CFAP61: variants seen among roughly 807,000 people sequenced by gnomAD.
CFAP61 encodes cilia and flagella associated protein 61, also known as cilia- and flagella-associated protein 61.
Under a neutral mutation model 135.6 loss-of-function variants are expected in CFAP61, and 107 were observed. That is an observed-to-expected ratio of 0.79 (90% CI 0.67 to 0.93). CFAP61 has a LOEUF of 0.93. CFAP61 is among the 40% of genes least tolerant of loss of function. The pLI, the probability that CFAP61 is intolerant of heterozygous loss-of-function variation, is 0.00. For missense variants in CFAP61, 1,507 were observed against 1,556.2 expected, an observed-to-expected ratio of 0.97 and a Z score of 0.53; for synonymous variants, 575 against 578.5, an observed-to-expected ratio of 0.99 and a Z score of 0.09.
chr20:20,336,144 C>T (rs2058181923), intron 25 of CFAP61, among the ~76,000 whole-genome samples: 1 of 152,114 alleles, frequency 6.6e-6, no homozygotes, highest in South Asian at 2.1e-4. Flanking sequence ...GAACAGGATG[C>T]CTCCCAGAGT....
At chr20:20,155,312 C>T (rs938942749) in intron 9 of CFAP61, among the ~76,000 whole-genome samples, 6 of 151,956 alleles carry the variant, frequency 3.9e-5, no homozygotes, top group African/African-American at 4.8e-5. Context: ...GAGGTAAAGC[C>T]GTAAAAATTC....
At chr20:20,204,457 C>T (rs1044023245) in intron 17 of CFAP61, among the ~76,000 whole-genome samples, 2 of 152,168 alleles carry the variant, frequency 1.3e-5, no homozygotes, top group Non-Finnish European at 2.9e-5. Flanking sequence ...CATTCAGTTA[C>T]CCTTTGAATT....
At chr20:20,122,684 G>A (rs1190648169) in intron 8 of CFAP61, among the ~76,000 whole-genome samples, 1 of 152,160 alleles carries the variant, frequency 6.6e-6, no homozygotes, top group Non-Finnish European at 1.5e-5. Flanking sequence ...ATTTGGGTTG[G>A]TTCCATGATT....
chr20:20,111,941 A>G (rs1209180234), intron 8 of CFAP61, among the ~76,000 whole-genome samples: 1 of 152,192 alleles, frequency 6.6e-6, no homozygotes. Context: ...AATATATGAT[A>G]TAATCTCAAA....
rs575450253 is a variant in CFAP61 at position 20,298,031 on chromosome 20, C to A, written c.3217-150C>A. 6 of 607,964 alleles carry A rather than the reference C, an allele frequency of 9.9e-6. No individual in the cohort carries two copies. The East Asian group carries it at 1.4e-4, about 14-fold the overall frequency. 37.7% of individuals were successfully genotyped at this position (607,964 alleles called of 1,614,324 possible). ...TTTCTGACACACTGTCACCTTCTGC[C>A]GAGTTTAGTCAATATCTATTACTGT... is the stretch of plus-strand genomic sequence containing the variant. On this transcript the variant is annotated intron_variant, in intron 24 of 26. Coordinates refer to ENST00000245957, the MANE Select transcript of CFAP61 (RefSeq NM_015585.4).
At chr20:20,095,510 G>A (rs2047503655) in intron 7 of CFAP61, 1 of 152,268 alleles carries the variant, frequency 6.6e-6, no homozygotes, top group East Asian at 1.9e-4. Context: ...GACTTTCTTT[G>A]GCTTGATAGC....
At chr20:20,318,088 G>A (rs1419894435) in intron 25 of CFAP61, among the ~76,000 whole-genome samples, 1 of 152,188 alleles carries the variant, frequency 6.6e-6, no homozygotes, top group African/African-American at 2.4e-5. Context: ...CAGGAAGGAC[G>A]TCCCTTCTTG....
intron 2 of CFAP61, among the ~76,000 whole-genome samples, chr20:20,069,315 C>G (rs2045541951): frequency 6.6e-6 from 1 of 151,960 alleles, no homozygotes; most frequent in Non-Finnish European, 1.5e-5. Flanking sequence ...GATTCTCGCT[C>G]TGTTGTCCAG....
At chr20:20,231,126 G>A (rs372544000) in intron 18 of CFAP61, among the ~76,000 whole-genome samples, 2 of 152,328 alleles carry the variant, frequency 1.3e-5, no homozygotes, top group African/African-American at 4.8e-5. Flanking sequence ...TACTGGGAGA[G>A]CTGAAGTGCT....
chr20:20,355,043 G>A (rs2059021147), intron 26 of CFAP61, among the ~76,000 whole-genome samples: 5 of 145,182 alleles, frequency 3.4e-5, no homozygotes, highest in East Asian at 2.1e-4. Flanking sequence ...ACTGAGGGGA[G>A]GTGGTCACAC....
chr20:20,265,857 CTGT>C (rs1248145378), intron 21 of CFAP61: 3 of 206,042 alleles, frequency 1.5e-5, no homozygotes, highest in African/African-American at 7.0e-5. Context: ...TGTATCTTTT[CTGT>C]AATCCAGGTC....
chr20:20,304,305 A>AT (rs1601912772), intron 25 of CFAP61, among the ~76,000 whole-genome samples: 1 of 112,640 alleles, frequency 8.9e-6, no homozygotes, highest in Non-Finnish European at 1.9e-5. Flanking sequence ...TGTGTGTGTG[A>AT]GAGAGAGAGA....
chr20:20,303,506 C>T (rs1485595805), intron 25 of CFAP61, among the ~76,000 whole-genome samples: 2 of 152,132 alleles, frequency 1.3e-5, no homozygotes, highest in East Asian at 1.9e-4. Flanking sequence ...TTACTCCAGG[C>T]GTGTGTTAGT....
chr20:20,128,926 T>G (rs1210010917), intron 8 of CFAP61, among the ~76,000 whole-genome samples: 1 of 151,620 alleles, frequency 6.6e-6, no homozygotes, highest in African/African-American at 2.4e-5. Context: ...TTCCCCAAGA[T>G]TTTGACTTTT....
intron 6 of CFAP61, chr20:20,085,443 TTTA>T: frequency 1.5e-6 from 2 of 1,365,542 alleles, no homozygotes; most frequent in East Asian, 9.1e-5. Flanking sequence ...CAAGTTCCTC[TTTA>T]TCCATTTTGG....
At chr20:20,055,808 G>T in intron 1 of CFAP61, 1 of 658,264 alleles carries the variant, frequency 1.5e-6, no homozygotes. Context: ...CTCCTTCATT[G>T]TTTTCCCTGT....
chr20:20,253,189 T>TTCCTTCCTTCCTTCCGTCCTTTC (rs2051127319), intron 20 of CFAP61: 1 of 151,388 alleles, frequency 6.6e-6, no homozygotes, highest in African/African-American at 2.5e-5. Context: ...TTCCTTCTTT[T>TTCCTTCCTTCCTTCCGTCCTTTC]TTCCTTCCTT....
chr20:20,268,068 G>A (rs753485880), intron 21 of CFAP61, among the ~76,000 whole-genome samples: 3 of 152,246 alleles, frequency 2.0e-5, no homozygotes, highest in Non-Finnish European at 4.4e-5. Flanking sequence ...GGACATTTCA[G>A]TCCTTGCTTT....
chr20:20,312,354 T>C (rs879492492), intron 25 of CFAP61, among the ~76,000 whole-genome samples: 9 of 152,140 alleles, frequency 5.9e-5, no homozygotes, highest in Non-Finnish European at 1.2e-4. Context: ...AGATGAAAAC[T>C]ACAATGTCTG....
Sources: gnomAD v4.1 joint callset for allele counts (sites outside exome capture counted in the v4.1 genomes callset) on GRCh38, gnomAD v4.1.1 for gene constraint, MANE v1.5 for transcripts, NCBI Gene and HGNC (gene_info 2026-07-23, HGNC 2026-07-21) for gene names.